The following MFSD8 variants were observed in gnomAD, a reference collection of about 807,000 sequenced individuals.
MFSD8 encodes major facilitator superfamily domain containing 8, also known as major facilitator superfamily domain-containing protein 8.
A neutral mutation model predicts 66.4 loss-of-function variants in MFSD8; 55 were observed. The observed-to-expected ratio is 0.83, with a 90% CI of 0.67 to 1.04. The LOEUF (loss-of-function observed/expected upper bound fraction) is 1.04, where lower values mean the gene tolerates loss of function less well. MFSD8 is among the 50% of genes least tolerant of loss of function. MFSD8 has a pLI of 0.00. For missense variants in MFSD8, 550 were observed against 627.6 expected (o/e 0.88, Z 1.32); for synonymous variants, 202 against 212.8 (o/e 0.95, Z 0.44).
intron 4 of MFSD8, among the ~76,000 whole-genome samples, chr4:127,943,043 T>C (rs1740460245): frequency 6.6e-6 from 1 of 151,922 alleles, no homozygotes; most frequent in Non-Finnish European, 1.5e-5. Flanking sequence ...ATGGTGAAAC[T>C]GCGTCTCTAC....
intron 7 of MFSD8, among the ~76,000 whole-genome samples, chr4:127,936,576 A>C (rs1343574394): frequency 2.0e-5 from 3 of 152,074 alleles, no homozygotes; most frequent in African/African-American, 7.2e-5. Context: ...AGAAAAAAAA[A>C]CCAACGTTAT....
Position 127,917,844 on chromosome 4 carries a change from T to C in MFSD8, c.*2786A>G, listed in dbSNP as rs1735996719. The C allele has an allele frequency of 6.6e-6, 1 of 152,198 alleles. No individual in the cohort carries two copies. The highest frequency in any genetic ancestry group is 1.5e-5 in the Non-Finnish European group (1 of 68,040). 9.4% of individuals were successfully genotyped at this position (152,198 alleles called of 1,614,324 possible). ...AATCTTGTTTATTAGAAAATGAACA[T>C]TCACAATGTAAAGTAGAAATTAAAT... On this transcript the variant is annotated 3_prime_UTR_variant, in exon 12 of 12. Coordinates refer to ENST00000641686, the MANE Select transcript of MFSD8 (RefSeq NM_001371596.2).
chr4:127,926,975 T>G (rs1363222848), intron 9 of MFSD8, among the ~76,000 whole-genome samples: 1 of 152,218 alleles, frequency 6.6e-6, no homozygotes, highest in African/African-American at 2.4e-5. Flanking sequence ...ATCAGCCACA[T>G]GATCACAAAG....
intron 9 of MFSD8, among the ~76,000 whole-genome samples, chr4:127,925,131 T>A (rs1301793138): frequency 6.6e-6 from 1 of 152,064 alleles, no homozygotes; most frequent in African/African-American, 2.4e-5. Context: ...CCTAAAACCA[T>A]AAAAACCCTA....
Position 127,921,678 on chromosome 4 carries a change from G to T in MFSD8, c.1196C>A (p.Thr399Asn). 6.2e-7 allele frequency: 1 copy of T among 1,614,188 alleles called. No individual in the cohort carries two copies. Among genetic ancestry groups the T allele is most frequent in the Non-Finnish European group, 8.5e-7 (1 of 1,180,026 alleles). ...CCAGGCTTGTTCAATCGAGCAACCA[G>T]TTGGTCTTTCATTGTCATCTTCCAT... ...SPMEDDNERP[T>N]GCSIEQAWCL... The change falls in exon 11 of 12, where the codon ACT becomes AAT. Residue 399 changes from threonine to asparagine, a missense_variant. Thr to Asn is a moderately conservative substitution (Grantham distance 65). Transcript: ENST00000641686.
chr4:127,953,461 CAA>C (rs368450161), intron 2 of MFSD8, among the ~76,000 whole-genome samples: 7 of 76,510 alleles, frequency 9.1e-5, no homozygotes, highest in Non-Finnish European at 8.5e-5. Flanking sequence ...GCACTCAGCT[CAA>C]AAAAAAAAAA....
intron 9 of MFSD8, among the ~76,000 whole-genome samples, chr4:127,929,342 A>AAAAAAAAAAAAAAAAAAAAC: frequency 6.9e-6 from 1 of 145,448 alleles, no homozygotes; most frequent in African/African-American, 2.6e-5. Context: ...AAAAAAAAAA[A>AAAAAAAAAAAAAAAAAAAAC]AAAAAAAGAA....
At chr4:127,921,348 A>G (rs1560716781) in intron 11 of MFSD8, 176 bp downstream of exon 11, 11 of 1,086,064 alleles carry the variant, frequency 1.0e-5, no homozygotes, top group Non-Finnish European at 1.4e-5. Flanking sequence ...TATAACCCAC[A>G]TAACCTACCC....
Position 127,918,360 on chromosome 4 carries a change from C to G in MFSD8, c.*2270G>C, listed in dbSNP as rs886059064. On this transcript the variant is annotated 3_prime_UTR_variant, in exon 12 of 12. Coordinates refer to ENST00000641686, the MANE Select transcript of MFSD8 (RefSeq NM_001371596.2). ...CCAAGATGAGCAAGGTATAATCCTC[C>G]AAAGAAGAAAATGCTCCAAAGAAAA... is the stretch of plus-strand genomic sequence containing the variant. 1 of 152,054 alleles carries G rather than the reference C, an allele frequency of 6.6e-6. No individual in the cohort carries two copies. Among genetic ancestry groups the G allele is most frequent in the Non-Finnish European group, 1.5e-5 (1 of 68,018 alleles). 9.4% of individuals were successfully genotyped at this position (152,054 alleles called of 1,614,324 possible). A position where few individuals can be genotyped will look rare whatever the true frequency, so the allele number is the denominator to read the frequency against.
At chr4:127,962,214 C>T (rs1353302099) in intron 1 of MFSD8, among the ~76,000 whole-genome samples, 2 of 152,012 alleles carry the variant, frequency 1.3e-5, no homozygotes, top group Admixed American at 1.3e-4. Context: ...TTTGCTTCTA[C>T]ACCAGCACTT....
At chr4:127,922,777 T>C (rs765182254) in intron 9 of MFSD8, among the ~76,000 whole-genome samples, 1 of 152,116 alleles carries the variant, frequency 6.6e-6, no homozygotes, top group Non-Finnish European at 1.5e-5. Context: ...GTTAACCAAA[T>C]AGTTGGTGAG....
At chr4:127,960,253 G>A (rs957905357) in intron 1 of MFSD8, among the ~76,000 whole-genome samples, 1 of 152,220 alleles carries the variant, frequency 6.6e-6, no homozygotes, top group Admixed American at 6.5e-5. Context: ...CAACGGCCAG[G>A]CGCAGTGGCT....
At chr4:127,936,103 A>G (rs184928438) in intron 7 of MFSD8, among the ~76,000 whole-genome samples, 21 of 151,968 alleles carry the variant, frequency 1.4e-4, no homozygotes, top group Admixed American at 3.9e-4. Context: ...AAGTATTTGG[A>G]TTGTATTTAT....
At chr4:127,930,390 T>G (rs1737925915) in intron 9 of MFSD8, among the ~76,000 whole-genome samples, 1 of 152,192 alleles carries the variant, frequency 6.6e-6, no homozygotes, top group East Asian at 1.9e-4. Flanking sequence ...TGAATCTTTT[T>G]TGTTGCACAA....
intron 1 of MFSD8, 104 bp downstream of exon 1, chr4:127,964,968 C>A: frequency 1.4e-6 from 2 of 1,384,244 alleles, no homozygotes; most frequent in South Asian, 2.4e-5. Flanking sequence ...CGCGCTGGAA[C>A]CCCTCTGGCA....
intron 2 of MFSD8, 82 bp from the exon 3 acceptor site, chr4:127,949,929 G>C: frequency 7.9e-7 from 1 of 1,267,896 alleles, no homozygotes; most frequent in Non-Finnish European, 1.1e-6. Flanking sequence ...CCGTGGCATG[G>C]ATTTTAAAAT....
intron 6 of MFSD8, 106 bp downstream of exon 6, chr4:127,939,747 A>ATAAAAAAC (rs1205965747): frequency 1.6e-6 from 2 of 1,289,012 alleles, no homozygotes; most frequent in Admixed American, 2.3e-5. Flanking sequence ...AACTATAGAC[A>ATAAAAAAC]TAAAAAACTA....
chr4:127,930,727 A>G lies in MFSD8; in HGVS notation c.954T>C (p.Val318=), dbSNP rs1299370477. 44 of 1,613,664 alleles carry G rather than the reference A, an allele frequency of 2.7e-5. No homozygotes were observed. Among genetic ancestry groups the G allele is most frequent in the Non-Finnish European group, 3.6e-5 (42 of 1,179,842 alleles). Residue 318 remains valine (V), a synonymous_variant, in exon 9 of 12, where the codon GTT becomes GTC. Coordinates refer to ENST00000641686, the MANE Select transcript of MFSD8 (RefSeq NM_001371596.2). The part of the protein sequence containing the change: ...YNGIILAALG[V]EAVVIFLGVK... ...CTCCTAAGAAAATAACAACGGCTTC[A>G]ACCCCAAGAGCAGCAAGTATTATGC...
intron 8 of MFSD8, 56 bp from the exon 9 acceptor site, chr4:127,930,873 A>G: frequency 6.6e-7 from 1 of 1,506,792 alleles, no homozygotes; most frequent in Non-Finnish European, 9.1e-7. Flanking sequence ...TGTTATACTT[A>G]AAGTGAAGTG....
Sources: gnomAD v4.1 joint callset for allele counts (sites outside exome capture counted in the v4.1 genomes callset) on GRCh38, gnomAD v4.1.1 for gene constraint, MANE v1.5 for transcripts, NCBI Gene and HGNC (gene_info 2026-07-23, HGNC 2026-07-21) for gene names.